The following MPC1 variants were observed in gnomAD, a reference collection of about 807,000 sequenced individuals.
The protein encoded by MPC1 is mitochondrial pyruvate carrier 1, also known as HSPC040 protein.
MPC1 carries 6 observed loss-of-function variants against 13.9 expected under a neutral mutation model. That is an observed-to-expected ratio of 0.43 (90% CI 0.24 to 0.85). The LOEUF (loss-of-function observed/expected upper bound fraction) is 0.85. Among genes scored for constraint, MPC1 ranks in the 40% least tolerant of loss-of-function variants. MPC1 has a pLI of 0.24. For missense variants in MPC1, 115 were observed against 143.3 expected (o/e 0.80, Z 1.01); for synonymous variants, 47 against 50.5 (o/e 0.93, Z 0.29).
At chr6:166,372,088 G>A (rs547372091) in intron 1 of MPC1, among the ~76,000 whole-genome samples, 1 of 152,246 alleles carries the variant, frequency 6.6e-6, no homozygotes, top group South Asian at 2.1e-4. Context: ...ATGCTTTATA[G>A]CAGAGAGATT....
At position 166,382,831 on chromosome 6, in the gene MPC1, T is replaced by C; in HGVS notation, c.46A>G (p.Lys16Glu). 1 of 1,597,914 alleles carries C rather than the reference T, an allele frequency of 6.3e-7. No homozygotes were observed. Among genetic ancestry groups the C allele is most frequent in the Non-Finnish European group, 8.5e-7 (1 of 1,173,826 alleles). The change falls in exon 1 of 5, where the codon AAG (lysine) becomes GAG (glutamate). Residue 16 changes from lysine to glutamate, a missense_variant. Coordinates refer to ENST00000360961, the MANE Select transcript of MPC1 (RefSeq NM_016098.4). ...CTCATGAGGTAGTCCCGGAAATCCT[T>C]GCTTCGGACATAGTCCGCCGCTTTC... ...VRKAADYVRS[K>E]DFRDYLMSTH...
chr6:166,381,233 C>A (rs1779767250), intron 1 of MPC1, among the ~76,000 whole-genome samples: 1 of 152,136 alleles, frequency 6.6e-6, no homozygotes, highest in Non-Finnish European at 1.5e-5. Context: ...GTGCTAAACA[C>A]CCATCTTAAT....
At chr6:166,370,386 T>C in intron 1 of MPC1, 165 bp from the exon 2 acceptor site, 1 of 559,944 alleles carries the variant, frequency 1.8e-6, no homozygotes. Context: ...TTATTATTTT[T>C]AAAAGATCAA....
At position 166,364,995 on chromosome 6, in the gene MPC1, T is replaced by C. The variant is rs956202024; in HGVS notation, c.*434A>G. ...TATACACTGCATGGAAATACACAGG[T>C]AACATTTTTAAACAGTGGGGACAAA... On this transcript the variant is annotated 3_prime_UTR_variant, in exon 5 of 5. Coordinates refer to ENST00000360961, the MANE Select transcript of MPC1 (RefSeq NM_016098.4). 21 of 156,354 alleles carry C rather than the reference T, an allele frequency of 1.3e-4. No individual in the cohort carries two copies. Among genetic ancestry groups the C allele is most frequent in the African/African-American group, 5.0e-4 (21 of 41,644 alleles). The allele number at this position is 156,354 out of a possible 1,614,324, so 9.7% of individuals were successfully genotyped here.
At chr6:166,378,295 A>G (rs756432996) in intron 1 of MPC1, among the ~76,000 whole-genome samples, 1 of 152,252 alleles carries the variant, frequency 6.6e-6, no homozygotes, top group Non-Finnish European at 1.5e-5. Flanking sequence ...ACTTGAGAAT[A>G]TTCAATGCAA....
chr6:166,379,387 G>A (rs935146888), intron 1 of MPC1, among the ~76,000 whole-genome samples: 1 of 152,108 alleles, frequency 6.6e-6, no homozygotes. Context: ...CTAGCTACTC[G>A]GGAGGCTGAG....
chr6:166,368,573 A>G (rs1313084441), intron 2 of MPC1, among the ~76,000 whole-genome samples: 1 of 151,424 alleles, frequency 6.6e-6, no homozygotes, highest in Non-Finnish European at 1.5e-5. Flanking sequence ...AAAAAAAAAA[A>G]AAAGAAAATG....
intron 1 of MPC1, among the ~76,000 whole-genome samples, chr6:166,373,482 T>C (rs564443290): frequency 6.6e-6 from 1 of 152,376 alleles, no homozygotes; most frequent in African/African-American, 2.4e-5. Flanking sequence ...TGCTGAATAA[T>C]ATTCCATTGT....
At chr6:166,381,943 C>T in intron 1 of MPC1, 1 of 415,778 alleles carries the variant, frequency 2.4e-6, no homozygotes, top group African/African-American at 2.2e-5. Flanking sequence ...GCTGGGCGCA[C>T]CCGAAGCTCC....
chr6:166,366,936 G>A, intron 2 of MPC1, 45 bp from the exon 3 acceptor site: 1 of 1,612,870 alleles, frequency 6.2e-7, no homozygotes, highest in Non-Finnish European at 8.5e-7. Flanking sequence ...AAAAAGTTAA[G>A]ACAGAACTAT....
chr6:166,368,880 C>T (rs1779271001), intron 2 of MPC1: 1 of 985,350 alleles, frequency 1.0e-6, no homozygotes, highest in African/African-American at 1.7e-5. Context: ...TCTCTTGCCA[C>T]TCCTCTGCAC....
chr6:166,369,308 A>C (rs1267862803), intron 2 of MPC1, among the ~76,000 whole-genome samples: 1 of 152,236 alleles, frequency 6.6e-6, no homozygotes, highest in African/African-American at 2.4e-5. Context: ...AGGTTGAGGC[A>C]GGAGAATCGC....
intron 1 of MPC1, among the ~76,000 whole-genome samples, chr6:166,376,982 T>G (rs1301907998): frequency 1.3e-5 from 2 of 152,204 alleles, no homozygotes; most frequent in Non-Finnish European, 2.9e-5. Flanking sequence ...GTATTACTAT[T>G]TACCATATTT....
chr6:166,371,791 G>C (rs1376363182), intron 1 of MPC1, among the ~76,000 whole-genome samples: 1 of 152,052 alleles, frequency 6.6e-6, no homozygotes, highest in Admixed American at 6.5e-5. Context: ...TTATAAATTA[G>C]GCAGAGTAAG....
chr6:166,382,159 C>A (rs1295185067), intron 1 of MPC1, among the ~76,000 whole-genome samples: 1 of 152,182 alleles, frequency 6.6e-6, no homozygotes, highest in African/African-American at 2.4e-5. Context: ...GTGCCCACTG[C>A]CAACCATGGG....
chr6:166,375,850 T>C (rs1196930592), intron 1 of MPC1, among the ~76,000 whole-genome samples: 7 of 152,216 alleles, frequency 4.6e-5, no homozygotes, highest in African/African-American at 1.4e-4. Flanking sequence ...GAAGAATGTG[T>C]ATTCTGCTGC....
intron 1 of MPC1, among the ~76,000 whole-genome samples, chr6:166,378,278 C>T (rs1779640799): frequency 6.6e-6 from 1 of 152,154 alleles, no homozygotes; most frequent in Admixed American, 6.5e-5. Flanking sequence ...TTTAGAATAC[C>T]TGATCAACTT....
At chr6:166,373,144 T>C (rs536132565) in intron 1 of MPC1, among the ~76,000 whole-genome samples, 1 of 152,280 alleles carries the variant, frequency 6.6e-6, no homozygotes, top group East Asian at 1.9e-4. Context: ...GAAACTTACA[T>C]TGACACAGGA....
chr6:166,373,885 T>G (rs887448481), intron 1 of MPC1, among the ~76,000 whole-genome samples: 1 of 152,208 alleles, frequency 6.6e-6, no homozygotes, highest in African/African-American at 2.4e-5. Context: ...TCTTTTCATA[T>G]GCTTATTTGC....
Sources: gnomAD v4.1 joint callset for allele counts (sites outside exome capture counted in the v4.1 genomes callset) on GRCh38, gnomAD v4.1.1 for gene constraint, MANE v1.5 for transcripts, NCBI Gene and HGNC (gene_info 2026-07-23, HGNC 2026-07-21) for gene names.